EYS: variants seen among roughly 807,000 people sequenced by gnomAD.
EYS encodes the protein protein eyes shut homolog.
Under a neutral mutation model 282.1 loss-of-function variants are expected in EYS, and 250 were observed. That is an observed-to-expected ratio of 0.89 (90% CI 0.80 to 0.98). The LOEUF (loss-of-function observed/expected upper bound fraction) is 0.98. Ranked by LOEUF, EYS falls within the 50% of genes least tolerant of loss-of-function variation. EYS has a pLI of 0.00. For missense variants in EYS, 4,016 were observed against 3,709.0 expected (o/e 1.08, Z -2.15); for synonymous variants, 1,355 against 1,282.9 (o/e 1.06, Z -1.20).
chr6:64,671,346 T>C (rs573734622), intron 22 of EYS, among the ~76,000 whole-genome samples: 18 of 152,226 alleles, frequency 1.2e-4, no homozygotes, highest in Non-Finnish European at 2.2e-4. Flanking sequence ...ATAGCTGGCA[T>C]GTTCTACCAT....
At chr6:64,399,880 G>A (rs1773490176) in intron 28 of EYS, among the ~76,000 whole-genome samples, 1 of 151,800 alleles carries the variant, frequency 6.6e-6, no homozygotes, top group Non-Finnish European at 1.5e-5. Context: ...ATCGGAGCTG[G>A]TCCTGATAAT....
At chr6:64,546,522 G>A (rs1387848325) in intron 26 of EYS, among the ~76,000 whole-genome samples, 1 of 152,146 alleles carries the variant, frequency 6.6e-6, no homozygotes, top group African/African-American at 2.4e-5. Context: ...TTGACAAATG[G>A]GATCTAATTA....
chr6:64,535,347 T>C (rs951544427), intron 26 of EYS, among the ~76,000 whole-genome samples: 1 of 152,176 alleles, frequency 6.6e-6, no homozygotes, highest in East Asian at 1.9e-4. Context: ...TCTCATTATG[T>C]CAAACCAGGC....
chr6:64,891,754 T>G (rs1289642847), intron 18 of EYS, among the ~76,000 whole-genome samples: 1 of 152,120 alleles, frequency 6.6e-6, no homozygotes, highest in Non-Finnish European at 1.5e-5. Context: ...TAAAGGTCCC[T>G]AAAGTATACC....
At chr6:65,150,700 T>C (rs934145845) in intron 12 of EYS, among the ~76,000 whole-genome samples, 2 of 26,836 alleles carry the variant, frequency 7.5e-5, no homozygotes, top group African/African-American at 1.4e-4. Flanking sequence ...TATCACTCTC[T>C]AGAGCATTTT....
chr6:64,298,444 G>T (rs564767697), intron 30 of EYS, among the ~76,000 whole-genome samples: 1 of 152,122 alleles, frequency 6.6e-6, no homozygotes, highest in Admixed American at 6.5e-5. Context: ...GCTGTTAAAG[G>T]AGTAGAGTTT....
chr6:64,711,548 C>T (rs116569152), intron 22 of EYS, among the ~76,000 whole-genome samples: 91 of 152,258 alleles, frequency 6.0e-4, no homozygotes, highest in African/African-American at 2.1e-3. Context: ...CTGGGTTTGG[C>T]CTAGTCTTAG....
intron 24 of EYS, among the ~76,000 whole-genome samples, chr6:64,610,361 T>G (rs2149844084): frequency 6.6e-6 from 1 of 152,178 alleles, no homozygotes; most frequent in East Asian, 1.9e-4. Flanking sequence ...GTGGTCATTA[T>G]TTTACCATAC....
At chr6:64,644,398 G>C (rs539799664) in intron 22 of EYS, among the ~76,000 whole-genome samples, 2 of 152,262 alleles carry the variant, frequency 1.3e-5, no homozygotes, top group Admixed American at 6.5e-5. Flanking sequence ...ATGGAGTGAA[G>C]AGGGTAAGAA....
Position 64,902,209 on chromosome 6 carries a change from C to T in EYS, c.2750G>A (p.Arg917Lys). The T allele has an allele frequency of 3.2e-6, 5 of 1,550,144 alleles. No individual in the cohort carries two copies. Among genetic ancestry groups the T allele is most frequent in the Non-Finnish European group, 4.4e-6 (5 of 1,146,002 alleles). The change falls in exon 18 of 43, where the codon AGA (arginine) becomes AAA (lysine). Residue 917 changes from arginine (R) to lysine (K), a missense_variant. Arg to Lys is a conservative substitution (Grantham distance 26). Transcript: ENST00000503581. ...DMVNNFRCICRPGFSGSLCEI... is the reference protein window; with the variant it reads ...DMVNNFRCICKPGFSGSLCEI... ...ACACAGAGATCCAGAAAACCCAGGT[C>T]TGCAAATACACCTTTTAAACAAAAA...
At chr6:64,907,344 C>T (rs1304253948) in intron 16 of EYS, among the ~76,000 whole-genome samples, 1 of 152,164 alleles carries the variant, frequency 6.6e-6, no homozygotes, top group Non-Finnish European at 1.5e-5. Flanking sequence ...GCTATTGTGC[C>T]TGGCCCTCAA....
intron 36 of EYS, among the ~76,000 whole-genome samples, chr6:63,830,506 G>C (rs1771599510): frequency 6.6e-6 from 1 of 152,166 alleles, no homozygotes; most frequent in Non-Finnish European, 1.5e-5. Flanking sequence ...GAAGCAAGAA[G>C]AGAAGTTTAG....
intron 2 of EYS, among the ~76,000 whole-genome samples, chr6:65,580,508 A>G (rs1373555886): frequency 6.6e-6 from 1 of 152,098 alleles, no homozygotes; most frequent in Non-Finnish European, 1.5e-5. Context: ...CTTTTAATTG[A>G]AAACCTAATT....
At chr6:64,995,198 A>G (rs188838058) in intron 14 of EYS, among the ~76,000 whole-genome samples, 131 of 152,240 alleles carry the variant, frequency 8.6e-4, no homozygotes, top group Admixed American at 4.4e-3. Flanking sequence ...ACCATAGACA[A>G]CAAGGCTTAT....
intron 31 of EYS, among the ~76,000 whole-genome samples, chr6:64,152,573 G>A (rs1398601327): frequency 6.6e-6 from 1 of 152,064 alleles, no homozygotes; most frequent in African/African-American, 2.4e-5. Context: ...TGGATTTGAA[G>A]CTTTTAACCT....
At chr6:64,685,141 C>G (rs548538591) in intron 22 of EYS, among the ~76,000 whole-genome samples, 1 of 151,832 alleles carries the variant, frequency 6.6e-6, no homozygotes, top group African/African-American at 2.4e-5. Flanking sequence ...TAATATCAGA[C>G]AGAAAAAGTC....
intron 22 of EYS, among the ~76,000 whole-genome samples, chr6:64,676,330 C>CTA (rs1562127852): frequency 7.9e-6 from 1 of 126,252 alleles, no homozygotes; most frequent in Non-Finnish European, 1.7e-5. Context: ...ATATATATAT[C>CTA]TATATATCTA....
At chr6:64,630,622 G>A (rs889562179) in intron 22 of EYS, among the ~76,000 whole-genome samples, 3 of 152,102 alleles carry the variant, frequency 2.0e-5, no homozygotes, top group African/African-American at 7.2e-5. Flanking sequence ...GAATGCTAAG[G>A]TTTGCTTTCC....
chr6:64,312,954 A>T (rs2150379443), intron 29 of EYS, among the ~76,000 whole-genome samples: 1 of 84,820 alleles, frequency 1.2e-5, no homozygotes, highest in African/African-American at 3.5e-5. Flanking sequence ...TGAAAATTCC[A>T]AAAACCAGAA....
Sources: gnomAD v4.1 joint callset for allele counts (sites outside exome capture counted in the v4.1 genomes callset) on GRCh38, gnomAD v4.1.1 for gene constraint, MANE v1.5 for transcripts, NCBI Gene and HGNC (gene_info 2026-07-23, HGNC 2026-07-21) for gene names.